Variants in TSNARE1 observed in about 807,000 individuals in gnomAD.
The protein encoded by TSNARE1 is t-SNARE domain containing 1.
Under a neutral mutation model 62.0 loss-of-function variants are expected in TSNARE1, and 49 were observed. The ratio of observed to expected loss-of-function variants is 0.79; its 90% CI spans 0.63 to 1.00. TSNARE1 has a LOEUF of 1.00. Among genes scored for constraint, TSNARE1 ranks in the 50% least tolerant of loss-of-function variants. The pLI is 0.00. For synonymous variants in TSNARE1, 328 were observed against 294.4 expected (o/e 1.11, Z -1.17); for missense variants, 755 against 700.1 (o/e 1.08, Z -0.88).
chr8:142,335,461 T>C (rs1831626590), intron 4 of TSNARE1, among the ~76,000 whole-genome samples: 2 of 152,156 alleles, frequency 1.3e-5, no homozygotes, highest in Non-Finnish European at 2.9e-5. Flanking sequence ...ACGGTGCTAC[T>C]TGAAGGCGGG....
chr8:142,376,255 GCCCTGTTTTC>G (rs1836330731), intron 1 of TSNARE1, among the ~76,000 whole-genome samples: 1 of 152,152 alleles, frequency 6.6e-6, no homozygotes, highest in Non-Finnish European at 1.5e-5. Flanking sequence ...GTGTCTTGGT[GCCCTGTTTTC>G]CCCTGAGGGG....
chr8:142,254,990 T>TG (rs911235517), intron 12 of TSNARE1, among the ~76,000 whole-genome samples: 1 of 152,058 alleles, frequency 6.6e-6, no homozygotes, highest in Non-Finnish European at 1.5e-5. Flanking sequence ...CTGGGTGGTT[T>TG]GGGGGGATAG....
intron 10 of TSNARE1, among the ~76,000 whole-genome samples, chr8:142,285,021 A>G (rs553844751): frequency 2.0e-5 from 3 of 152,206 alleles, no homozygotes; most frequent in Non-Finnish European, 2.9e-5. Context: ...AGCAAATCCT[A>G]AAGAAGTGGG....
intron 2 of TSNARE1, among the ~76,000 whole-genome samples, chr8:142,347,894 C>T (rs1352625639): frequency 6.6e-6 from 1 of 152,164 alleles, no homozygotes; most frequent in Non-Finnish European, 1.5e-5. Context: ...CATGTCATCA[C>T]CTCACCACAC....
chr8:142,292,974 T>C (rs972382528), intron 10 of TSNARE1, among the ~76,000 whole-genome samples: 3 of 151,882 alleles, frequency 2.0e-5, no homozygotes, highest in Non-Finnish European at 2.9e-5. Flanking sequence ...ACATAGAAAG[T>C]GGGGGGGCCA....
At chr8:142,398,605 A>G (rs1007203888) in intron 1 of TSNARE1, among the ~76,000 whole-genome samples, 2 of 152,126 alleles carry the variant, frequency 1.3e-5, no homozygotes, top group Non-Finnish European at 2.9e-5. Flanking sequence ...CTTGCTCTGT[A>G]AGGTGCACAG....
At chr8:142,240,278 G>A (rs147823126) in intron 12 of TSNARE1, among the ~76,000 whole-genome samples, 3 of 152,244 alleles carry the variant, frequency 2.0e-5, no homozygotes, top group African/African-American at 4.8e-5. Context: ...ATGCTGAAAG[G>A]TTCACTTCAC....
At chr8:142,349,862 C>T (rs541194678) in intron 2 of TSNARE1, among the ~76,000 whole-genome samples, 12 of 152,160 alleles carry the variant, frequency 7.9e-5, no homozygotes, top group Non-Finnish European at 1.8e-4. Flanking sequence ...GGGCTGAGAC[C>T]AAGGCAGGCA....
At chr8:142,380,204 G>A (rs1177229828) in intron 1 of TSNARE1, among the ~76,000 whole-genome samples, 3 of 152,216 alleles carry the variant, frequency 2.0e-5, no homozygotes, top group Non-Finnish European at 4.4e-5. Flanking sequence ...CAGAAACGGA[G>A]ACACAGATGA....
At chr8:142,222,209 TCCGC>T (rs796626583) in intron 13 of TSNARE1, among the ~76,000 whole-genome samples, 6,258 of 21,730 alleles carry the variant, frequency 0.29, 1,113 homozygotes, top group Admixed American at 0.3. Flanking sequence ...CACTCACTCA[TCCGC>T]TCATTCACTC....
chr8:142,225,983 C>A (rs548981765), intron 13 of TSNARE1, among the ~76,000 whole-genome samples: 20 of 152,290 alleles, frequency 1.3e-4, no homozygotes, highest in African/African-American at 4.8e-4. Flanking sequence ...TTCCTGCTCC[C>A]TCTCCACTTG....
At chr8:142,292,987 T>C (rs1420132344) in intron 10 of TSNARE1, among the ~76,000 whole-genome samples, 4 of 152,108 alleles carry the variant, frequency 2.6e-5, no homozygotes, top group African/African-American at 4.8e-5. Context: ...GGGGGCCACG[T>C]GTCAGACCAC....
At chr8:142,286,483 G>A (rs974639931) in intron 10 of TSNARE1, among the ~76,000 whole-genome samples, 3 of 152,246 alleles carry the variant, frequency 2.0e-5, no homozygotes, top group African/African-American at 4.8e-5. Flanking sequence ...TCCCTCTGCA[G>A]GAACTGGGCA....
chr8:142,400,324 T>TA (rs1209206095), intron 1 of TSNARE1, among the ~76,000 whole-genome samples: 1 of 151,980 alleles, frequency 6.6e-6, no homozygotes, highest in African/African-American at 2.4e-5. Flanking sequence ...CAGGCCCCTG[T>TA]AATCCCAGCT....
chr8:142,223,065 T>TTCATCC, intron 13 of TSNARE1, among the ~76,000 whole-genome samples: 1 of 83,930 alleles, frequency 1.2e-5, no homozygotes, highest in African/African-American at 4.3e-5. Flanking sequence ...CTCATTCACT[T>TTCATCC]ACTCGCTCAT....
At chr8:142,258,190 A>C (rs1586878851) in intron 12 of TSNARE1, among the ~76,000 whole-genome samples, 1 of 152,224 alleles carries the variant, frequency 6.6e-6, no homozygotes. Flanking sequence ...GCCTGTGTGC[A>C]CACACAGTAC....
intron 1 of TSNARE1, among the ~76,000 whole-genome samples, chr8:142,358,177 A>T (rs1244666160): frequency 1.2e-5 from 1 of 82,156 alleles, no homozygotes; most frequent in Non-Finnish European, 2.1e-5. Context: ...GCCAGCGGCC[A>T]TCACTGCAAA....
intron 6 of TSNARE1, among the ~76,000 whole-genome samples, chr8:142,324,890 T>A (rs555091618): frequency 6.6e-6 from 1 of 152,238 alleles, no homozygotes; most frequent in South Asian, 2.1e-4. Flanking sequence ...GCGACGCCCC[T>A]GCCGGTCCCT....
intron 12 of TSNARE1, chr8:142,273,972 C>G (rs560687028): frequency 1.0e-6 from 1 of 985,212 alleles, no homozygotes; most frequent in Non-Finnish European, 1.2e-6. Context: ...ACCATCTCGT[C>G]TGCCAATACT....
Sources: gnomAD v4.1 joint callset for allele counts (sites outside exome capture counted in the v4.1 genomes callset) on GRCh38, gnomAD v4.1.1 for gene constraint, MANE v1.5 for transcripts, NCBI Gene and HGNC (gene_info 2026-07-23, HGNC 2026-07-21) for gene names.